PPARA: variants seen among roughly 807,000 people sequenced by gnomAD.
PPARA encodes the protein peroxisome proliferator-activated receptor alpha.
A neutral mutation model predicts 42.2 loss-of-function variants in PPARA; 22 were observed. That is an observed-to-expected ratio of 0.52 (90% CI 0.37 to 0.74). PPARA has a LOEUF of 0.74. PPARA is among the 30% of genes least tolerant of loss of function. PPARA has a pLI of 0.00. For synonymous variants in PPARA, 242 were observed against 239.3 expected (o/e 1.01, Z -0.10); for missense variants, 465 against 608.2 (o/e 0.76, Z 2.48).
rs1411257636 is a variant in PPARA at position 46,222,785 on chromosome 22, G to A, written c.711+2771G>A. ...TGTAATCCCAGCACTTTGGGAGGCT[G>A]AGGCGGGAGGATCACTTGAGGCAAT... On this transcript the variant is annotated intron_variant, in intron 7 of 8. Transcript: ENST00000407236. This position sits in a 1 kb window ranked among gnomAD's most constrained non-coding sequence, Gnocchi z 5.9. Among the ~76,000 whole-genome samples the A allele has an allele frequency of 6.6e-6, 1 of 152,178 alleles. No individual in the cohort carries two copies. Among genetic ancestry groups the A allele is most frequent in the Admixed American group, 6.5e-5 (1 of 15,272 alleles).
chr22:46,207,644 TTTATTATTATTA>T (rs34052175), intron 4 of PPARA, among the ~76,000 whole-genome samples: 53 of 91,724 alleles, frequency 5.8e-4, no homozygotes, highest in African/African-American at 2.0e-3. Context: ...AATTAATTAA[TTTATTATTATTA>T]TTATTATTAT....
intron 2 of PPARA, among the ~76,000 whole-genome samples, chr22:46,176,296 G>A (rs1319566365): frequency 1.3e-5 from 2 of 152,144 alleles, no homozygotes; most frequent in Non-Finnish European, 2.9e-5. Flanking sequence ...GACCAGCCTG[G>A]CCAACATGGC....
At chr22:46,159,133 C>T (rs1418229237) in intron 2 of PPARA, among the ~76,000 whole-genome samples, 1 of 152,124 alleles carries the variant, frequency 6.6e-6, no homozygotes, top group Non-Finnish European at 1.5e-5. Flanking sequence ...CTGAAGTGAT[C>T]TGCCCGCCTC....
intron 2 of PPARA, among the ~76,000 whole-genome samples, chr22:46,175,050 C>G (rs1184474296): frequency 1.3e-5 from 2 of 151,866 alleles, no homozygotes; most frequent in African/African-American, 2.4e-5. Flanking sequence ...TAGCTGGGTT[C>G]ATAGGCGTGC....
chr22:46,164,721 C>G (rs2147150528), intron 2 of PPARA: 1 of 152,340 alleles, frequency 6.6e-6, no homozygotes, highest in African/African-American at 2.4e-5. Context: ...CCACTTAAAT[C>G]TACACCCTTG....
At chr22:46,209,945 T>C (rs975454155) in intron 4 of PPARA, among the ~76,000 whole-genome samples, 44 of 152,094 alleles carry the variant, frequency 2.9e-4, no homozygotes, top group African/African-American at 1.0e-3. Flanking sequence ...GGGTCTCACT[T>C]TGTTGCCCAG....
At chr22:46,166,625 A>AAC (rs1555931758) in intron 2 of PPARA, among the ~76,000 whole-genome samples, 6 of 152,026 alleles carry the variant, frequency 3.9e-5, no homozygotes, top group African/African-American at 1.4e-4. Flanking sequence ...TCTCAAAAAA[A>AAC]AAAAAACAAA....
intron 4 of PPARA, among the ~76,000 whole-genome samples, chr22:46,201,130 A>G (rs1932815056): frequency 6.6e-6 from 1 of 151,788 alleles, no homozygotes; most frequent in Admixed American, 6.6e-5. Context: ...GTCTCAAAAA[A>G]AAAAAAAAAA....
chr22:46,216,156 CT>C lies in PPARA; in HGVS notation c.369+824del, dbSNP rs1934466367. ...TCAGCACTTTGGGAGGCCGAGGCGGCTGGATCACCTGAGGTCAGGAGTTCAA... is the reference window on the plus strand; with the variant it reads ...TCAGCACTTTGGGAGGCCGAGGCGGCGGATCACCTGAGGTCAGGAGTTCAA... On this transcript the variant is annotated intron_variant, in intron 5 of 8. Transcript: ENST00000407236. The surrounding 1 kb of genome is among the most constrained non-coding windows in gnomAD (Gnocchi z 4.5). 6.6e-6 allele frequency among the ~76,000 whole-genome samples: 1 copy of C among 151,930 alleles called. No individual in the cohort carries two copies. Among genetic ancestry groups the C allele is most frequent in the Non-Finnish European group, 1.5e-5 (1 of 67,954 alleles).
intron 2 of PPARA, among the ~76,000 whole-genome samples, chr22:46,175,622 G>C (rs552691628): frequency 6.6e-6 from 1 of 152,056 alleles, no homozygotes; most frequent in African/African-American, 2.4e-5. Context: ...GCTGAGGCAG[G>C]AGAATGGTGT....
intron 2 of PPARA, among the ~76,000 whole-genome samples, chr22:46,168,013 T>C (rs970466347): frequency 5.3e-5 from 8 of 152,080 alleles, no homozygotes; most frequent in African/African-American, 1.9e-4. Context: ...ACCATGCCAC[T>C]GCACTCCAGC....
intron 4 of PPARA, among the ~76,000 whole-genome samples, chr22:46,214,695 T>G (rs1934292751): frequency 7.2e-6 from 1 of 138,802 alleles, no homozygotes; most frequent in Non-Finnish European, 1.6e-5. Flanking sequence ...GATGCGTGGG[T>G]CCAGAGATGT....
intron 7 of PPARA, among the ~76,000 whole-genome samples, chr22:46,226,507 T>C (rs1569247649): frequency 6.6e-6 from 1 of 152,214 alleles, no homozygotes; most frequent in Admixed American, 6.5e-5. Context: ...AAGATTCTCC[T>C]ATTGCTCCAA....
chr22:46,166,610 TA>T (rs1183852205), intron 2 of PPARA, among the ~76,000 whole-genome samples: 2 of 139,682 alleles, frequency 1.4e-5, no homozygotes, highest in Non-Finnish European at 3.0e-5. Flanking sequence ...AGAGCAAGAC[TA>T]CCATCTCAAA....
chr22:46,157,211 T>C (rs1024360214), intron 2 of PPARA, among the ~76,000 whole-genome samples: 2 of 152,232 alleles, frequency 1.3e-5, no homozygotes, highest in Admixed American at 6.5e-5. Context: ...TACTTGTAAA[T>C]GTTCATTGAA....
chr22:46,205,467 A>G (rs531749706), intron 4 of PPARA, among the ~76,000 whole-genome samples: 3 of 128,962 alleles, frequency 2.3e-5, no homozygotes, highest in East Asian at 2.5e-4. Context: ...TGATCTGCCC[A>G]TCTCAGCCTC....
chr22:46,170,148 A>G (rs897127350), intron 2 of PPARA, among the ~76,000 whole-genome samples: 2 of 151,484 alleles, frequency 1.3e-5, no homozygotes, highest in Non-Finnish European at 2.9e-5. Context: ...TTCTGCAACC[A>G]GTCTTGTCCT....
chr22:46,189,852 A>G (rs969674133), intron 3 of PPARA, among the ~76,000 whole-genome samples: 33 of 152,020 alleles, frequency 2.2e-4, no homozygotes, highest in African/African-American at 8.0e-4. Context: ...GACTACAGGC[A>G]CGTGCCACCA....
At chr22:46,226,158 C>CATAT (rs10570542) in intron 7 of PPARA, among the ~76,000 whole-genome samples, 255 of 151,498 alleles carry the variant, frequency 1.7e-3, no homozygotes, top group African/African-American at 4.8e-3. Flanking sequence ...AGCATGCACA[C>CATAT]ATATATATAT....
Sources: gnomAD v4.1 joint callset for allele counts (sites outside exome capture counted in the v4.1 genomes callset) on GRCh38, gnomAD v4.1.1 for gene constraint, Gnocchi (gnomAD v3.1) non-coding constraint, MANE v1.5 for transcripts, NCBI Gene and HGNC (gene_info 2026-07-23, HGNC 2026-07-21) for gene names.